Variants in IL1RAPL2 observed in about 807,000 individuals in gnomAD.
IL1RAPL2 encodes the protein X-linked interleukin-1 receptor accessory protein-like 2.
Under a neutral mutation model 44.1 loss-of-function variants are expected in IL1RAPL2, and 3 were observed. The ratio of observed to expected loss-of-function variants is 0.07; its 90% CI spans 0.03 to 0.18. The LOEUF is 0.18. Among genes scored for constraint, IL1RAPL2 ranks in the 10% least tolerant of loss-of-function variants. The pLI, the probability that IL1RAPL2 is intolerant of heterozygous loss-of-function variation, is 1.00. For missense variants in IL1RAPL2, 391 were observed against 496.4 expected (o/e 0.79, Z 2.02); for synonymous variants, 181 against 178.8 (o/e 1.01, Z -0.10).
At chrX:104,678,394 A>G (rs1034098047) in intron 2 of IL1RAPL2, among the ~76,000 whole-genome samples, 1 of 112,092 alleles carries the variant, frequency 8.9e-6, no homozygotes, top group Non-Finnish European at 1.9e-5. Flanking sequence ...GAATGACAAT[A>G]TAAAGGAAGT....
chrX:105,621,486 A>T (rs1233627602), intron 6 of IL1RAPL2, among the ~76,000 whole-genome samples: 1 of 111,585 alleles, frequency 9.0e-6, no homozygotes, highest in Non-Finnish European at 1.9e-5. Context: ...TTTAAACCAG[A>T]TATTTCTCCT....
intron 3 of IL1RAPL2, among the ~76,000 whole-genome samples, chrX:105,207,474 T>C (rs1240712759): frequency 1.8e-5 from 2 of 111,750 alleles, no homozygotes; most frequent in Non-Finnish European, 1.9e-5. Flanking sequence ...ACAAAAATCA[T>C]TGTTTGACAT....
intron 1 of IL1RAPL2, among the ~76,000 whole-genome samples, chrX:104,614,754 C>T (rs1037089142): frequency 1.8e-5 from 2 of 111,631 alleles, no homozygotes; most frequent in Non-Finnish European, 3.8e-5. Context: ...TGAATTGAAC[C>T]CTTTATCAAT....
chrX:104,777,389 A>G (rs1034614910), intron 2 of IL1RAPL2, among the ~76,000 whole-genome samples: 2 of 109,681 alleles, frequency 1.8e-5, no homozygotes, highest in Non-Finnish European at 3.8e-5. Context: ...TTCCTTTTTA[A>G]AGCTAAGTAA....
At chrX:105,185,950 G>A (rs964705847) in intron 2 of IL1RAPL2, among the ~76,000 whole-genome samples, 12 of 111,628 alleles carry the variant, frequency 1.1e-4, no homozygotes, top group Non-Finnish European at 1.7e-4. Context: ...ATTCAACTAA[G>A]CATGGATCAA....
chrX:105,280,145 C>T (rs977476439), intron 5 of IL1RAPL2, among the ~76,000 whole-genome samples: 9 of 111,757 alleles, frequency 8.1e-5, no homozygotes, highest in African/African-American at 2.6e-4. Context: ...ATCATCTGAT[C>T]ATTGACAAAC....
At chrX:105,470,277 A>T (rs1057228594) in intron 5 of IL1RAPL2, among the ~76,000 whole-genome samples, 3 of 111,853 alleles carry the variant, frequency 2.7e-5, no homozygotes, top group Non-Finnish European at 5.7e-5. Context: ...TACACAGGGC[A>T]GTTACCATAT....
intron 2 of IL1RAPL2, among the ~76,000 whole-genome samples, chrX:105,175,822 A>T (rs1488317898): frequency 1.8e-5 from 2 of 111,145 alleles, no homozygotes; most frequent in Non-Finnish European, 3.8e-5. Context: ...TTATTAGTAA[A>T]TTATTAATTA....
intron 2 of IL1RAPL2, among the ~76,000 whole-genome samples, chrX:104,784,988 G>A (rs1457124622): frequency 9.0e-6 from 1 of 110,638 alleles, no homozygotes; most frequent in Non-Finnish European, 1.9e-5. Context: ...AGGTGGAGGA[G>A]GTGCTCTGGA....
intron 6 of IL1RAPL2, among the ~76,000 whole-genome samples, chrX:105,609,655 A>G (rs768640890): frequency 9.0e-6 from 1 of 111,716 alleles, no homozygotes; most frequent in East Asian, 2.8e-4. Context: ...TCAGGAATAG[A>G]TACGGTTTTA....
chrX:105,163,204 G>C (rs1033772880), intron 2 of IL1RAPL2, among the ~76,000 whole-genome samples: 1 of 111,576 alleles, frequency 9.0e-6, no homozygotes, highest in Non-Finnish European at 1.9e-5. Flanking sequence ...GGCCAAAAAA[G>C]CTGAAAATAT....
intron 2 of IL1RAPL2, among the ~76,000 whole-genome samples, chrX:105,119,474 A>G (rs2032898052): frequency 1.8e-5 from 2 of 111,152 alleles, no homozygotes; most frequent in African/African-American, 6.5e-5. Context: ...CATTCTACAA[A>G]ATGGCTTCCT....
At chrX:105,645,060 A>T (rs142467383) in intron 6 of IL1RAPL2, among the ~76,000 whole-genome samples, 1 of 111,780 alleles carries the variant, frequency 8.9e-6, no homozygotes, top group Non-Finnish European at 1.9e-5. Context: ...CAGTGCCTCA[A>T]GCAAGCTTTT....
At chrX:105,685,780 A>G (rs770763196) in intron 6 of IL1RAPL2, among the ~76,000 whole-genome samples, 1 of 111,785 alleles carries the variant, frequency 8.9e-6, no homozygotes, top group Admixed American at 9.5e-5. Context: ...ATGAGGGAAA[A>G]AGTGTTAAGG....
At chrX:105,256,321 C>G (rs932003357) in intron 4 of IL1RAPL2, among the ~76,000 whole-genome samples, 1 of 105,422 alleles carries the variant, frequency 9.5e-6, no homozygotes, top group African/African-American at 3.5e-5. Flanking sequence ...TTATTATTGA[C>G]ACAATTTTTT....
intron 2 of IL1RAPL2, among the ~76,000 whole-genome samples, chrX:105,082,485 A>G (rs1850803791): frequency 9.0e-6 from 1 of 111,250 alleles, no homozygotes; most frequent in Admixed American, 9.6e-5. Context: ...TGGTTCTATG[A>G]TCTCGGGTAT....
chrX:104,853,698 T>A (rs1922283325), intron 2 of IL1RAPL2, among the ~76,000 whole-genome samples: 2 of 108,467 alleles, frequency 1.8e-5, no homozygotes, highest in Admixed American at 2.0e-4. Context: ...GGTCAGGAGA[T>A]CGAGACCATC....
At chrX:104,783,697 G>A (rs766584700) in intron 2 of IL1RAPL2, among the ~76,000 whole-genome samples, 5 of 108,232 alleles carry the variant, frequency 4.6e-5, no homozygotes, top group Non-Finnish European at 9.5e-5. Flanking sequence ...ACTGCTCAGT[G>A]TACAGGTTAT....
At chrX:104,728,149 A>C (rs1464146189) in intron 2 of IL1RAPL2, among the ~76,000 whole-genome samples, 1 of 111,710 alleles carries the variant, frequency 9.0e-6, no homozygotes, top group Non-Finnish European at 1.9e-5. Flanking sequence ...AAGGAATATT[A>C]TCTTCAAGAG....
Sources: allele counts gnomAD v4.1 joint callset (sites outside exome capture counted in the v4.1 genomes callset), GRCh38; gene constraint gnomAD v4.1.1; transcripts MANE v1.5; gene names NCBI Gene and HGNC (gene_info 2026-07-23, HGNC 2026-07-21).